The following OSBPL9 variants were observed in gnomAD, a reference collection of about 807,000 sequenced individuals.
OSBPL9 encodes the protein oxysterol binding protein like 9, also known as oxysterol-binding protein-related protein 9.
OSBPL9 carries 40 observed loss-of-function variants against 106.6 expected under a neutral mutation model. That is an observed-to-expected ratio of 0.38 (90% CI 0.29 to 0.49). The LOEUF is 0.49. OSBPL9 is among the 20% of genes least tolerant of loss of function. The probability of loss-of-function intolerance (pLI) is 0.97; values close to 1 mark genes in which losing one functional copy is unlikely to be tolerated. For synonymous variants in OSBPL9, 269 were observed against 295.4 expected (o/e 0.91, Z 0.92); for missense variants, 609 against 887.2 (o/e 0.69, Z 3.98).
At chr1:51,769,150 A>C (rs1673288100) in intron 12 of OSBPL9, among the ~76,000 whole-genome samples, 2 of 152,060 alleles carry the variant, frequency 1.3e-5, no homozygotes, top group Non-Finnish European at 2.9e-5. Flanking sequence ...ATCTGTAGCT[A>C]TTTGAGCTTG....
the OSBPL9 span, among the ~76,000 whole-genome samples, chr1:51,556,845 A>ATG: frequency 6.7e-6 from 1 of 149,654 alleles, no homozygotes; most frequent in Non-Finnish European, 1.5e-5. Context: ...ATACATATAT[A>ATG]TGTATATATA....
intron 4 of OSBPL9, among the ~76,000 whole-genome samples, chr1:51,743,981 T>C (rs1667456591): frequency 6.6e-6 from 1 of 152,148 alleles, no homozygotes; most frequent in Non-Finnish European, 1.5e-5. Flanking sequence ...ATTTTTTTTT[T>C]CAACTTTTGT....
intron 2 of OSBPL9, among the ~76,000 whole-genome samples, chr1:51,659,628 C>A: frequency 6.6e-6 from 1 of 150,510 alleles, no homozygotes; most frequent in Admixed American, 6.6e-5. Flanking sequence ...TAAAATAAAC[C>A]CTGGTTAGAT....
At chr1:51,714,189 T>A in intron 4 of OSBPL9, 110 bp downstream of exon 4, 1 of 728,154 alleles carries the variant, frequency 1.4e-6, no homozygotes, top group Non-Finnish European at 2.2e-6. Context: ...AATAGGAACT[T>A]ATAATTTCTG....
At chr1:51,684,383 T>G (rs1162583735) in intron 3 of OSBPL9, among the ~76,000 whole-genome samples, 1 of 152,196 alleles carries the variant, frequency 6.6e-6, no homozygotes, top group Non-Finnish European at 1.5e-5. Context: ...AGATTTTAAG[T>G]GTTCTCATCA....
At chr1:51,666,971 C>T (rs928857041) in intron 2 of OSBPL9, among the ~76,000 whole-genome samples, 7 of 152,122 alleles carry the variant, frequency 4.6e-5, no homozygotes, top group Non-Finnish European at 1.0e-4. Flanking sequence ...AAACAAGAAA[C>T]GATGAAAGCC....
At chr1:51,634,930 A>G (rs1166280500) in intron 1 of OSBPL9, among the ~76,000 whole-genome samples, 1 of 152,216 alleles carries the variant, frequency 6.6e-6, no homozygotes, top group African/African-American at 2.4e-5. Flanking sequence ...AGACTTTTTC[A>G]CTACCACAAG....
chr1:51,737,545 GGTGTGTGTGTGTGTGTGTGT>G (rs57886494), intron 4 of OSBPL9, among the ~76,000 whole-genome samples: 2 of 142,436 alleles, frequency 1.4e-5, no homozygotes, highest in African/African-American at 5.2e-5. Context: ...ATATTTCAGG[GGTGTGTGTGTGTGTGTGTGT>G]GTGTGTGTGT....
chr1:51,616,027 T>TTTTTTTGTGTG (rs1292732346), upstream of OSBPL9, among the ~76,000 whole-genome samples: 13 of 147,352 alleles, frequency 8.8e-5, no homozygotes, highest in African/African-American at 3.3e-4. Context: ...TTTTTTTTTT[T>TTTTTTTGTGTG]TGTGTGAGAG....
chr1:51,564,888 G>A, the OSBPL9 span, among the ~76,000 whole-genome samples: 1 of 152,182 alleles, frequency 6.6e-6, no homozygotes, highest in Non-Finnish European at 1.5e-5. Flanking sequence ...TCAGGTGCAT[G>A]GTCCTCACCA....
chr1:51,657,250 T>C (rs1646873758), intron 2 of OSBPL9, among the ~76,000 whole-genome samples: 1 of 152,232 alleles, frequency 6.6e-6, no homozygotes. Flanking sequence ...AGTGGTATGA[T>C]GTATTTTCTA....
chr1:51,713,150 AT>A (rs147076157), intron 3 of OSBPL9, among the ~76,000 whole-genome samples: 2,732 of 151,358 alleles, frequency 0.018, 47 homozygotes, highest in African/African-American at 0.044. Flanking sequence ...ATTTTATTTT[AT>A]TTTATTTATT....
the OSBPL9 span, among the ~76,000 whole-genome samples, chr1:51,560,383 C>T: frequency 1.3e-5 from 2 of 152,204 alleles, no homozygotes; most frequent in Non-Finnish European, 2.9e-5. Flanking sequence ...TCTCAATTCT[C>T]TCAAACATAA....
the OSBPL9 span, among the ~76,000 whole-genome samples, chr1:51,554,278 T>G: frequency 6.6e-6 from 1 of 152,130 alleles, no homozygotes; most frequent in South Asian, 2.1e-4. Context: ...TCTCAGAAAC[T>G]GAGACAGCAA....
At chr1:51,734,155 C>T (rs937951952) in intron 4 of OSBPL9, among the ~76,000 whole-genome samples, 59 of 152,206 alleles carry the variant, frequency 3.9e-4, no homozygotes, top group African/African-American at 1.3e-3. Context: ...CATGTGCGCA[C>T]GCAGGAGAGA....
At chr1:51,754,226 G>A (rs978858346) in intron 8 of OSBPL9, among the ~76,000 whole-genome samples, 2 of 152,250 alleles carry the variant, frequency 1.3e-5, no homozygotes, top group African/African-American at 4.8e-5. Context: ...CATGTGCCAG[G>A]GGGTTGACTG....
At chr1:51,613,567 C>T (rs1270471364), upstream of OSBPL9, among the ~76,000 whole-genome samples, 2 of 151,994 alleles carry the variant, frequency 1.3e-5, no homozygotes, top group Non-Finnish European at 2.9e-5. Context: ...ATTCCTGGCA[C>T]AGTCCCTGGC....
the OSBPL9 span, among the ~76,000 whole-genome samples, chr1:51,555,938 A>G: frequency 1.1e-4 from 16 of 152,334 alleles, no homozygotes; most frequent in Admixed American, 2.6e-4. Flanking sequence ...TTTAATATTT[A>G]CAATGGAAGG....
intron 2 of OSBPL9, among the ~76,000 whole-genome samples, chr1:51,600,164 G>A (rs373275055): frequency 2.6e-5 from 4 of 152,128 alleles, no homozygotes; most frequent in Admixed American, 1.3e-4. Context: ...CATTCAAACC[G>A]TAGCACCACT....
Sources: gnomAD v4.1 joint callset for allele counts (sites outside exome capture counted in the v4.1 genomes callset) on GRCh38, gnomAD v4.1.1 for gene constraint, MANE v1.5 for transcripts, NCBI Gene and HGNC (gene_info 2026-07-23, HGNC 2026-07-21) for gene names.